The following ADAMTS12 variants were observed in gnomAD, a reference collection of about 807,000 sequenced individuals.
The protein encoded by ADAMTS12 is ADAM metallopeptidase with thrombospondin type 1 motif 12.
Under a neutral mutation model 167.8 loss-of-function variants are expected in ADAMTS12, and 118 were observed. The ratio of observed to expected loss-of-function variants is 0.70; its 90% CI spans 0.61 to 0.82. ADAMTS12 has a LOEUF of 0.82. ADAMTS12 is among the 40% of genes least tolerant of loss of function. The pLI is 0.00. For synonymous variants in ADAMTS12, 704 were observed against 716.9 expected, an observed-to-expected ratio of 0.98 and a Z score of 0.29; for missense variants, 1,916 against 1,998.8, an observed-to-expected ratio of 0.96 and a Z score of 0.79.
intron 3 of ADAMTS12, among the ~76,000 whole-genome samples, chr5:33,694,918 T>C (rs1229397259): frequency 2.0e-5 from 3 of 152,230 alleles, no homozygotes; most frequent in Non-Finnish European, 2.9e-5. Context: ...AAGTTGAAAA[T>C]TACCTATGTG....
At chr5:33,766,250 T>C (rs1033422078) in intron 2 of ADAMTS12, among the ~76,000 whole-genome samples, 1 of 152,210 alleles carries the variant, frequency 6.6e-6, no homozygotes, top group African/African-American at 2.4e-5. Context: ...GTCTTACTGA[T>C]ACATGTGCCC....
rs920695360 is a variant in ADAMTS12, at chr5:33,561,923, C to T, written c.3973-744G>A. ...CTCTCCTCCCTAACACTGAATGATA[C>T]TATCTCACCTATTTCTCTCCATGAC... On this transcript the variant is annotated intron_variant, in intron 19 of 23. Transcript: ENST00000504830. Among the ~76,000 whole-genome samples the T allele has an allele frequency of 1.6e-4, 24 of 152,200 alleles. 1 individual carries two copies. The highest frequency in any genetic ancestry group is 1.4e-3 in the Admixed American group (21 of 15,280).
intron 1 of ADAMTS12, 189 bp downstream of exon 1, chr5:33,891,541 C>G: frequency 2.7e-6 from 2 of 729,440 alleles, no homozygotes; most frequent in Admixed American, 5.8e-5. Flanking sequence ...ATGAAGGACT[C>G]ATCACCTTAA....
chr5:33,681,430 CA>C, intron 5 of ADAMTS12, among the ~76,000 whole-genome samples: 1 of 152,194 alleles, frequency 6.6e-6, no homozygotes, highest in East Asian at 1.9e-4. Flanking sequence ...GGCATTTCAT[CA>C]GTTGGCTGGT....
At chr5:33,710,310 C>T (rs1246731328) in intron 3 of ADAMTS12, among the ~76,000 whole-genome samples, 1 of 152,110 alleles carries the variant, frequency 6.6e-6, no homozygotes, top group East Asian at 1.9e-4. Flanking sequence ...CCAACCATTG[C>T]CATATAAGAC....
At chr5:33,619,554 C>T (rs984696753) in intron 14 of ADAMTS12, among the ~76,000 whole-genome samples, 1 of 152,128 alleles carries the variant, frequency 6.6e-6, no homozygotes, top group African/African-American at 2.4e-5. Context: ...TAAAACCAAA[C>T]CTCTTTCAAA....
chr5:33,767,567 A>T (rs1017415263), intron 2 of ADAMTS12, among the ~76,000 whole-genome samples: 2 of 152,146 alleles, frequency 1.3e-5, no homozygotes, highest in African/African-American at 4.8e-5. Flanking sequence ...ACTAAAAATA[A>T]TTTTTTTAAG....
At chr5:33,883,619 C>T (rs755750288) in intron 1 of ADAMTS12, among the ~76,000 whole-genome samples, 18 of 152,206 alleles carry the variant, frequency 1.2e-4, no homozygotes, top group Non-Finnish European at 2.1e-4. Context: ...ATGGAAAATA[C>T]ACACACACTA....
Position 33,865,209 on chromosome 5 carries a change from C to A in ADAMTS12, c.489+15910G>T, listed in dbSNP as rs541721255. Among the ~76,000 whole-genome samples, 5 of 152,026 alleles carry A rather than the reference C, an allele frequency of 3.3e-5. No individual in the cohort carries two copies. In the South Asian group the frequency reaches 1.0e-3, roughly 32 times the overall value. On this transcript the variant is annotated intron_variant, in intron 2 of 23. Transcript: ENST00000504830. ...TACAAACCAATATCCCTGATGAACA[C>A]AGATGCAAAAATCCTCAACAAAATA...
intron 3 of ADAMTS12, among the ~76,000 whole-genome samples, chr5:33,741,020 T>C (rs1744556912): frequency 6.6e-6 from 1 of 152,210 alleles, no homozygotes; most frequent in East Asian, 1.9e-4. Context: ...CTCTTTCTAG[T>C]GTAAGGCCTT....
chr5:33,560,045 G>A (rs1011891386), intron 20 of ADAMTS12, among the ~76,000 whole-genome samples: 3 of 152,166 alleles, frequency 2.0e-5, no homozygotes, highest in Non-Finnish European at 2.9e-5. Context: ...TTATATCCGT[G>A]ATAATATAGG....
At chr5:33,819,307 T>C (rs1747785249) in intron 2 of ADAMTS12, among the ~76,000 whole-genome samples, 1 of 152,200 alleles carries the variant, frequency 6.6e-6, no homozygotes, top group African/African-American at 2.4e-5. Context: ...AAATCTAGTT[T>C]TCTCAGCATC....
chr5:33,576,343 G>C lies in ADAMTS12; in HGVS notation c.3683C>G (p.Thr1228Ser). The C allele has an allele frequency of 6.2e-7, 1 of 1,614,212 alleles. No homozygotes were observed. The highest frequency in any genetic ancestry group is 8.5e-7 in the Non-Finnish European group (1 of 1,180,034). Reference sequence around the variant, plus strand: ...AACTCTGGGTGTCCCAGTTTCGGAAGTAGTGGGCCTTTGGCTGGGGAGCAG... The same window carrying C: ...AACTCTGGGTGTCCCAGTTTCGGAACTAGTGGGCCTTTGGCTGGGGAGCAG... ...EGLLPSQRPT[T>S]SETGTPRVEG... is the part of the protein sequence containing the mutation. Residue 1228 changes from threonine (T) to serine (S), a missense_variant, in exon 19 of 24, where the codon ACT becomes AGT. Coordinates refer to ENST00000504830, the MANE Select transcript of ADAMTS12 (RefSeq NM_030955.4).
intron 1 of ADAMTS12, chr5:33,888,312 C>T (rs1199049689): frequency 6.6e-6 from 1 of 152,102 alleles, no homozygotes; most frequent in Non-Finnish European, 1.5e-5. Flanking sequence ...CCTTGCAACG[C>T]TATTTTTATT....
At chr5:33,758,865 C>T (rs1745253352) in intron 2 of ADAMTS12, among the ~76,000 whole-genome samples, 1 of 152,116 alleles carries the variant, frequency 6.6e-6, no homozygotes, top group Non-Finnish European at 1.5e-5. Context: ...TCCTCATGGC[C>T]ACAGAAGTAA....
intron 3 of ADAMTS12, among the ~76,000 whole-genome samples, chr5:33,730,716 G>A (rs1043946205): frequency 6.6e-6 from 1 of 152,198 alleles, no homozygotes. Context: ...TGGAACCCTC[G>A]ACTTTATCTA....
At chr5:33,624,618 A>G (rs1311535829) in intron 13 of ADAMTS12, among the ~76,000 whole-genome samples, 1 of 152,208 alleles carries the variant, frequency 6.6e-6, no homozygotes, top group Non-Finnish European at 1.5e-5. Flanking sequence ...AACAAAATCT[A>G]TGCAAATGTT....
At chr5:33,776,396 T>C (rs1461548808) in intron 2 of ADAMTS12, among the ~76,000 whole-genome samples, 1 of 152,150 alleles carries the variant, frequency 6.6e-6, no homozygotes, top group Non-Finnish European at 1.5e-5. Flanking sequence ...GGTATGAAAC[T>C]GGAAATTAAC....
intron 2 of ADAMTS12, among the ~76,000 whole-genome samples, chr5:33,879,399 C>T (rs1057086176): frequency 5.9e-5 from 9 of 152,112 alleles, no homozygotes; most frequent in Admixed American, 5.9e-4. Context: ...GAACTTTCTC[C>T]AGTTCTGGCC....
Sources: gnomAD v4.1 joint callset for allele counts (sites outside exome capture counted in the v4.1 genomes callset) on GRCh38, gnomAD v4.1.1 for gene constraint, MANE v1.5 for transcripts, NCBI Gene and HGNC (gene_info 2026-07-23, HGNC 2026-07-21) for gene names.